The following LRRC4C variants were observed in gnomAD, a reference collection of about 807,000 sequenced individuals.
LRRC4C encodes the protein leucine-rich repeat-containing protein 4C.
In LRRC4C, 5 loss-of-function variants were observed where a neutral mutation model predicts 33.6. The ratio of observed to expected loss-of-function variants is 0.15; its 90% CI spans 0.08 to 0.31. The LOEUF (loss-of-function observed/expected upper bound fraction) is 0.31. LRRC4C is among the 10% of genes least tolerant of loss of function. The pLI, the probability that LRRC4C is intolerant of heterozygous loss-of-function variation, is 1.00. For missense variants in LRRC4C, 560 were observed against 796.7 expected, an observed-to-expected ratio of 0.70 and a Z score of 3.58; for synonymous variants, 329 against 302.0, an observed-to-expected ratio of 1.09 and a Z score of -0.93.
intron 2 of LRRC4C, among the ~76,000 whole-genome samples, chr11:40,714,964 T>C (rs1404354587): frequency 2.0e-5 from 3 of 152,230 alleles, no homozygotes; most frequent in East Asian, 1.9e-4. Flanking sequence ...AAGCAATACC[T>C]CAAACTGTTT....
intron 1 of LRRC4C, among the ~76,000 whole-genome samples, chr11:41,055,108 C>G (rs921846568): frequency 1.3e-5 from 2 of 152,130 alleles, no homozygotes; most frequent in Non-Finnish European, 2.9e-5. Context: ...TCTAGCCTCC[C>G]TTTTCCTCAG....
In LRRC4C at chr11:40,299,308, G is replaced by T. The variant is rs993735081; in HGVS notation, c.-176+20320C>A. 7.2e-5 allele frequency among the ~76,000 whole-genome samples: 11 copies of T among 152,168 alleles called. 1 individual carries two copies. Among genetic ancestry groups the T allele is most frequent in the Admixed American group, 6.5e-4 (10 of 15,278 alleles). On this transcript the variant is annotated intron_variant, in intron 4 of 6. Transcript: ENST00000528697. ...GATGCTGTCTCAGGAATGGCTCACA[G>T]ATGTGTGCCAAAGAGAGTGTACCTA...
At chr11:40,276,950 C>G (rs1943152874) in intron 4 of LRRC4C, among the ~76,000 whole-genome samples, 1 of 152,020 alleles carries the variant, frequency 6.6e-6, no homozygotes, top group Non-Finnish European at 1.5e-5. Flanking sequence ...GTGGCAATGA[C>G]AGTATCCCAG....
chr11:40,838,414 T>A (rs141229695), intron 2 of LRRC4C, among the ~76,000 whole-genome samples: 46 of 152,314 alleles, frequency 3.0e-4, no homozygotes, highest in Non-Finnish European at 4.3e-4. Context: ...AAAATGTGCA[T>A]TGAAAATTTC....
intron 1 of LRRC4C, among the ~76,000 whole-genome samples, chr11:41,302,431 T>G (rs1411763332): frequency 6.6e-6 from 1 of 152,196 alleles, no homozygotes; most frequent in Non-Finnish European, 1.5e-5. Flanking sequence ...CTCTCAGTGG[T>G]GATACAATTT....
chr11:40,558,426 C>T (rs190497701), intron 3 of LRRC4C, among the ~76,000 whole-genome samples: 446 of 152,260 alleles, frequency 2.9e-3, no homozygotes, highest in Non-Finnish European at 4.2e-3. Flanking sequence ...CATCCACACA[C>T]GGTTCTGAAA....
chr11:40,239,575 C>G (rs1179522298), intron 5 of LRRC4C, among the ~76,000 whole-genome samples: 2 of 152,162 alleles, frequency 1.3e-5, no homozygotes, highest in Non-Finnish European at 2.9e-5. Flanking sequence ...TCAGAGACCT[C>G]TATTAGATAA....
chr11:40,387,974 G>A (rs1481975610), intron 3 of LRRC4C, among the ~76,000 whole-genome samples: 1 of 152,030 alleles, frequency 6.6e-6, no homozygotes, highest in African/African-American at 2.4e-5. Context: ...GCTCATTACA[G>A]TATGATTGAC....
At chr11:40,678,240 C>A (rs1315836348) in intron 2 of LRRC4C, among the ~76,000 whole-genome samples, 1 of 151,778 alleles carries the variant, frequency 6.6e-6, no homozygotes, top group Admixed American at 6.6e-5. Flanking sequence ...AATTCATCAC[C>A]CAAGTAATGA....
intron 5 of LRRC4C, among the ~76,000 whole-genome samples, chr11:40,160,640 A>G (rs773717646): frequency 2.0e-5 from 3 of 152,324 alleles, no homozygotes; most frequent in Middle Eastern, 3.4e-3. Flanking sequence ...CATCACTCTC[A>G]TCAAGGCAAA....
At chr11:41,116,207 A>C (rs968560508) in intron 1 of LRRC4C, among the ~76,000 whole-genome samples, 17 of 152,150 alleles carry the variant, frequency 1.1e-4, no homozygotes, top group African/African-American at 4.1e-4. Flanking sequence ...TCAAAGAAAC[A>C]TAATCCAAGT....
intron 1 of LRRC4C, among the ~76,000 whole-genome samples, chr11:41,022,142 T>TTATATATATATATATATATATA (rs142909883): frequency 7.4e-4 from 103 of 139,038 alleles, no homozygotes; most frequent in African/African-American, 2.8e-3. Flanking sequence ...CAATTTTGTT[T>TTATATATATATATATATATATA]TATATATATA....
chr11:41,242,073 G>C (rs1354504470), intron 1 of LRRC4C, among the ~76,000 whole-genome samples: 1 of 152,032 alleles, frequency 6.6e-6, no homozygotes, highest in Non-Finnish European at 1.5e-5. Flanking sequence ...CTAAAGAAAA[G>C]TCATTCTAAT....
intron 1 of LRRC4C, among the ~76,000 whole-genome samples, chr11:41,108,684 TC>T (rs981573984): frequency 6.6e-6 from 1 of 152,158 alleles, no homozygotes; most frequent in Non-Finnish European, 1.5e-5. Context: ...TCTGAAAGCT[TC>T]ACATTTTGTT....
chr11:40,988,718 T>TTC (rs1565275749), intron 1 of LRRC4C, among the ~76,000 whole-genome samples: 5 of 139,842 alleles, frequency 3.6e-5, no homozygotes, highest in Admixed American at 7.1e-5. Flanking sequence ...CTTTTCTTTT[T>TTC]TTTTTTTTTT....
chr11:40,287,368 T>A (rs367777161), intron 4 of LRRC4C, among the ~76,000 whole-genome samples: 14 of 152,008 alleles, frequency 9.2e-5, no homozygotes, highest in East Asian at 5.8e-4. Context: ...CTGGTATATA[T>A]GTGCGTGCCT....
At chr11:41,310,750 A>T (rs955834384) in intron 1 of LRRC4C, among the ~76,000 whole-genome samples, 4 of 152,118 alleles carry the variant, frequency 2.6e-5, no homozygotes, top group East Asian at 1.9e-4. Flanking sequence ...AAGCCACAAT[A>T]AAAAAAACCA....
intron 3 of LRRC4C, among the ~76,000 whole-genome samples, chr11:40,411,142 T>C (rs1950141906): frequency 6.6e-6 from 1 of 152,090 alleles, no homozygotes; most frequent in Admixed American, 6.6e-5. Context: ...ATTGATAATA[T>C]TGACTAAAAA....
At position 40,703,346 on chromosome 11, in the gene LRRC4C, T is replaced by C. The variant is rs528415729; in HGVS notation, c.-406-55068A>G. Reference sequence around the variant, plus strand: ...CAAGTAGCCGTGAAATTTTTCCATCTACATAAAAAAGAAAATGTAACTTGT... The same window carrying C: ...CAAGTAGCCGTGAAATTTTTCCATCCACATAAAAAAGAAAATGTAACTTGT... On this transcript the variant is annotated intron_variant, in intron 2 of 6. Transcript: ENST00000528697. 9.2e-5 allele frequency among the ~76,000 whole-genome samples: 14 copies of C among 152,272 alleles called. No homozygotes were observed. The South Asian group carries it at 2.7e-3, about 29-fold the overall frequency.
Sources: allele counts gnomAD v4.1 joint callset (sites outside exome capture counted in the v4.1 genomes callset), GRCh38; gene constraint gnomAD v4.1.1; transcripts MANE v1.5; gene names NCBI Gene and HGNC (gene_info 2026-07-23, HGNC 2026-07-21).